Variants in TRPM6 observed in about 807,000 individuals in gnomAD.
TRPM6 encodes channel kinase 2.
TRPM6 carries 111 observed loss-of-function variants against 247.6 expected under a neutral mutation model. That is an observed-to-expected ratio of 0.45 (90% CI 0.38 to 0.52). The LOEUF is 0.52. Ranked by LOEUF, TRPM6 falls within the 20% of genes least tolerant of loss-of-function variation. The probability of loss-of-function intolerance (pLI) is 0.00; values close to 1 mark genes in which losing one functional copy is unlikely to be tolerated. For missense variants in TRPM6, 2,126 were observed against 2,421.5 expected, an observed-to-expected ratio of 0.88 and a Z score of 2.56; for synonymous variants, 892 against 853.8, an observed-to-expected ratio of 1.04 and a Z score of -0.78.
At position 74,749,856 on chromosome 9, in the gene TRPM6, A is replaced by G. The variant is rs574798719; in HGVS notation, c.5057+808T>C. On this transcript the variant is annotated intron_variant, in intron 30 of 38. Transcript: ENST00000360774. ...GCACAGGGTCCATGATGGGAGCCCTAGAGAAAGACCATCTCTAAACAGAGC... is the reference window on the plus strand; with the variant it reads ...GCACAGGGTCCATGATGGGAGCCCTGGAGAAAGACCATCTCTAAACAGAGC... Among the ~76,000 whole-genome samples, 4 of 152,314 alleles carry G rather than the reference A, an allele frequency of 2.6e-5. No individual in the cohort carries two copies. The South Asian group carries it at 8.3e-4, about 32-fold the overall frequency.
rs748205051 is a variant in TRPM6, at chr9:74,800,434, C to T, written c.2058G>A (p.Gln686=). The stretch of plus-strand genomic sequence containing the variant: ...ACAGCGTCATGGCCATGCGCTCATT[C>T]TGCTTGAATGCCTTCTCCAACAAGT... ...ALDLLEKAFK[Q]NERMAMTLLT... Residue 686 remains glutamine, a synonymous_variant, in exon 17 of 39, where the codon CAG becomes CAA. Transcript: ENST00000360774. 5 of 1,613,886 alleles carry T rather than the reference C, an allele frequency of 3.1e-6. No individual in the cohort carries two copies. In the African/African-American group the frequency reaches 5.3e-5, roughly 17 times the overall value.
At chr9:74,816,602 C>G (rs1225577213) in intron 11 of TRPM6, 67 bp downstream of exon 11, 1 of 1,311,824 alleles carries the variant, frequency 7.6e-7, no homozygotes, top group Non-Finnish European at 1.1e-6. Flanking sequence ...CTCATTTTCT[C>G]TTTTGCCCCT....
chr9:74,776,101 C>T lies in TRPM6; in HGVS notation c.3210-25G>A, dbSNP rs1190565776. ...GCTGTAAGATGAAGTAAGAGAGGGACAATGTTTTAATATGAAGTCTTGAAA... is the reference window on the plus strand; with the variant it reads ...GCTGTAAGATGAAGTAAGAGAGGGATAATGTTTTAATATGAAGTCTTGAAA... On this transcript the variant is annotated intron_variant, in intron 23 of 38. Coordinates refer to ENST00000360774, the MANE Select transcript of TRPM6 (RefSeq NM_017662.5). 5.0e-6 allele frequency: 8 copies of T among 1,587,774 alleles called. No individual in the cohort carries two copies. In the Admixed American group the frequency reaches 8.3e-5, roughly 17 times the overall value.
intron 1 of TRPM6, among the ~76,000 whole-genome samples, chr9:74,881,794 G>C (rs1009623293): frequency 2.6e-5 from 4 of 152,110 alleles, no homozygotes; most frequent in African/African-American, 9.7e-5. Context: ...TTTGGAAACT[G>C]TACAAAAGTA....
At chr9:74,761,651 C>T (rs1564001625) in intron 27 of TRPM6, 45 bp downstream of exon 27, 15 of 1,220,728 alleles carry the variant, frequency 1.2e-5, no homozygotes, top group South Asian at 3.6e-5. Flanking sequence ...TAGGCCACTA[C>T]CTTGACTGCT....
intron 23 of TRPM6, among the ~76,000 whole-genome samples, chr9:74,777,226 C>T (rs982419642): frequency 1.3e-5 from 2 of 152,148 alleles, no homozygotes; most frequent in Non-Finnish European, 2.9e-5. Context: ...AGTTTCACTC[C>T]AACGTGACAA....
chr9:74,783,731 A>G (rs568926514), intron 21 of TRPM6, among the ~76,000 whole-genome samples: 1 of 152,342 alleles, frequency 6.6e-6, no homozygotes, highest in East Asian at 1.9e-4. Context: ...TGTCACCAAG[A>G]CAAGAGAAAA....
intron 1 of TRPM6, chr9:74,887,166 A>T (rs1235272741): frequency 1.9e-6 from 2 of 1,039,704 alleles, no homozygotes; most frequent in Non-Finnish European, 2.5e-6. Flanking sequence ...GGGACTCCTG[A>T]GGTTGCAAGT....
chr9:74,887,886 C>T lies in TRPM6; in HGVS notation c.-30G>A, dbSNP rs773549905. On this transcript the variant is annotated 5_prime_UTR_variant, in exon 1 of 39. Transcript: ENST00000360774. ...GATTTGCAGGCCCTGCTCCCAAAGC[C>T]CTGTCTGAGCTTTTAACTGTGGAGG... 6.2e-7 allele frequency: 1 copy of T among 1,613,938 alleles called. No homozygotes were observed. Among genetic ancestry groups the T allele is most frequent in the South Asian group, 1.1e-5 (1 of 91,084 alleles).
chr9:74,784,048 G>A (rs1338729420), intron 21 of TRPM6, among the ~76,000 whole-genome samples: 1 of 152,180 alleles, frequency 6.6e-6, no homozygotes, highest in Admixed American at 6.5e-5. Context: ...TTGAGGTCAA[G>A]AGTTTGAGAC....
At chr9:74,728,116 G>C (rs1020585702) in intron 38 of TRPM6, 123 bp downstream of exon 38, 2 of 816,200 alleles carry the variant, frequency 2.5e-6, no homozygotes, top group Non-Finnish European at 4.1e-6. Context: ...AGAGAGTCAG[G>C]CTCTGCGAAT....
chr9:74,741,944 G>A (rs1224633328), intron 33 of TRPM6, among the ~76,000 whole-genome samples: 1 of 152,086 alleles, frequency 6.6e-6, no homozygotes, highest in South Asian at 2.1e-4. Context: ...AAGCCAACCT[G>A]GTCTGCCCCC....
At chr9:74,768,718 C>T (rs1204235357) in intron 25 of TRPM6, among the ~76,000 whole-genome samples, 3 of 152,188 alleles carry the variant, frequency 2.0e-5, no homozygotes, top group Admixed American at 6.5e-5. Context: ...CCAACCTTGG[C>T]GAGGCTGTGG....
At chr9:74,799,333 A>G (rs1828218886) in intron 17 of TRPM6, among the ~76,000 whole-genome samples, 4 of 152,142 alleles carry the variant, frequency 2.6e-5, no homozygotes, top group Admixed American at 1.3e-4. Flanking sequence ...TTTCATAAGT[A>G]TATGTACTCC....
At chr9:74,829,723 T>C (rs1564033963) in intron 6 of TRPM6, among the ~76,000 whole-genome samples, 1 of 152,198 alleles carries the variant, frequency 6.6e-6, no homozygotes, top group Non-Finnish European at 1.5e-5. Context: ...AGAGATTTAA[T>C]ACATATTTTG....
At position 74,840,059 on chromosome 9, in the gene TRPM6, G is replaced by T; in HGVS notation, c.509C>A (p.Thr170Lys). 6.2e-7 allele frequency: 1 copy of T among 1,614,130 alleles called. No homozygotes were observed. Among genetic ancestry groups the T allele is most frequent in the Non-Finnish European group, 8.5e-7 (1 of 1,179,986 alleles). ...GCCTTCAGTTATTATCCACGCTCCTGTTGTCTCTGCAGCTTTAACCAAACC... is the reference window on the plus strand; with the variant it reads ...GCCTTCAGTTATTATCCACGCTCCTTTTGTCTCTGCAGCTTTAACCAAACC... The part of the protein sequence containing the change: ...SQGLVKAAET[T>K]GAWIITEGIN... The change falls in exon 5 of 39, where the codon ACA becomes AAA. Residue 170 changes from threonine (T) to lysine (K), a missense_variant. Thr to Lys is a moderately conservative substitution (Grantham distance 78, BLOSUM62 -1). Around this residue, in one of 3 missense-constraint regions of TRPM6, gnomAD observed 1,082 missense variants for 1,307.9 expected, o/e 0.83. Coordinates refer to ENST00000360774, the MANE Select transcript of TRPM6 (RefSeq NM_017662.5).
chr9:74,740,846 T>C (rs1825840532), intron 33 of TRPM6, among the ~76,000 whole-genome samples: 1 of 152,200 alleles, frequency 6.6e-6, no homozygotes, highest in Admixed American at 6.5e-5. Context: ...TCTGTAGATC[T>C]GTGCTTTATA....
In TRPM6 at chr9:74,739,632, T is replaced by C. The variant is rs1053408177; in HGVS notation, c.5487+91A>G. ...AAAAAATAATAGGCTCCCCTTTGGGTTGAGGATAATGGCCTTAGATAAGGA... is the reference window on the plus strand; with the variant it reads ...AAAAAATAATAGGCTCCCCTTTGGGCTGAGGATAATGGCCTTAGATAAGGA... On this transcript the variant is annotated intron_variant, in intron 34 of 38. Transcript: ENST00000360774. 6.4e-5 allele frequency: 101 copies of C among 1,574,804 alleles called. No homozygotes were observed. In the Admixed American group the frequency reaches 1.6e-3, roughly 25 times the overall value.
At chr9:74,852,551 G>C (rs1230812404) in intron 3 of TRPM6, among the ~76,000 whole-genome samples, 5 of 151,858 alleles carry the variant, frequency 3.3e-5, no homozygotes, top group East Asian at 1.9e-4. Context: ...TAGCCAAGGC[G>C]GACTGTGCCG....
Sources: gnomAD v4.1 joint callset for allele counts (sites outside exome capture counted in the v4.1 genomes callset) on GRCh38, gnomAD v4.1.1 for gene constraint, gnomAD v4.1.1 regional missense constraint, MANE v1.5 for transcripts, NCBI Gene and HGNC (gene_info 2026-07-23, HGNC 2026-07-21) for gene names.